The following NAV3 variants were observed in gnomAD, a reference collection of about 807,000 sequenced individuals.
NAV3 encodes the protein neuron navigator 3.
NAV3 carries 87 observed loss-of-function variants against 244.7 expected under a neutral mutation model. The observed-to-expected ratio is 0.36, with a 90% CI of 0.30 to 0.42. The LOEUF is 0.42. NAV3 is among the 20% of genes least tolerant of loss of function. The pLI is 1.00. For missense variants in NAV3, 2,663 were observed against 2,893.3 expected (o/e 0.92, Z 1.83); for synonymous variants, 1,126 against 1,042.2 (o/e 1.08, Z -1.55).
At chr12:77,753,582 C>T (rs1334355947) in intron 2 of NAV3, among the ~76,000 whole-genome samples, 2 of 152,096 alleles carry the variant, frequency 1.3e-5, no homozygotes, top group African/African-American at 4.8e-5. Flanking sequence ...CTAGTTAGGT[C>T]ATATTGAGAA....
chr12:77,927,819 C>T (rs1014674955), intron 1 of NAV3, among the ~76,000 whole-genome samples: 8 of 151,982 alleles, frequency 5.3e-5, no homozygotes, highest in Non-Finnish European at 1.0e-4. Flanking sequence ...CATTTAAGAC[C>T]GGGTAGCTGG....
chr12:78,128,667 G>T (rs191612871), intron 17 of NAV3, 39 bp from the exon 18 acceptor site: 308 of 1,592,472 alleles, frequency 1.9e-4, no homozygotes, highest in Non-Finnish European at 2.5e-4. Flanking sequence ...CCTTGCCCTT[G>T]TAGATGTGCT....
chr12:77,600,853 G>A (rs1870397547), intron 2 of NAV3, among the ~76,000 whole-genome samples: 1 of 151,766 alleles, frequency 6.6e-6, no homozygotes, highest in South Asian at 2.1e-4. Flanking sequence ...CAAATTTATG[G>A]GTATTTTTAC....
At chr12:77,895,575 C>T (rs1461846103) in intron 1 of NAV3, among the ~76,000 whole-genome samples, 2 of 151,992 alleles carry the variant, frequency 1.3e-5, no homozygotes, top group Admixed American at 6.6e-5. Context: ...CAGTAGTTCT[C>T]TAATTGGAAA....
At chr12:77,888,610 T>G (rs1260972295) in intron 1 of NAV3, among the ~76,000 whole-genome samples, 2 of 152,208 alleles carry the variant, frequency 1.3e-5, no homozygotes, top group Non-Finnish European at 2.9e-5. Context: ...CTCATTAAGT[T>G]TTGCCCTCAA....
chr12:78,051,036 G>C lies in NAV3; in HGVS notation c.2405G>C (p.Ser802Thr), dbSNP rs558608455. The change falls in exon 11 of 40, where the codon AGT becomes ACT. Residue 802 changes from serine to threonine, a missense_variant. This residue lies in a region of NAV3 where 1,521 missense variants were observed against 1,497.0 expected (regional missense o/e 1.02). Transcript: ENST00000397909. ...GGAAACATGTCACAGATTGACATGA[G>C]TGAGAAAGCAAGCAGTGACCTGGAC... Reference protein sequence around the residue: ...RLGNMSQIDMSEKASSDLDMS... With the variant: ...RLGNMSQIDMTEKASSDLDMS... 4 of 1,614,156 alleles carry C rather than the reference G, an allele frequency of 2.5e-6. No homozygotes were observed. The South Asian group carries it at 4.4e-5, about 18-fold the overall frequency.
At chr12:78,037,376 T>A (rs1419712286) in intron 9 of NAV3, 2 of 700,606 alleles carry the variant, frequency 2.9e-6, no homozygotes, top group Non-Finnish European at 2.6e-6. Context: ...CACTTTACAC[T>A]GACTTATTAG....
intron 2 of NAV3, among the ~76,000 whole-genome samples, chr12:77,711,291 A>G (rs1479196664): frequency 6.6e-6 from 1 of 152,128 alleles, no homozygotes; most frequent in Non-Finnish European, 1.5e-5. Flanking sequence ...ACATTTGTGG[A>G]TTGAAGTGGA....
chr12:77,833,221 A>G (rs1874022445), intron 1 of NAV3, among the ~76,000 whole-genome samples: 1 of 152,234 alleles, frequency 6.6e-6, no homozygotes, highest in Non-Finnish European at 1.5e-5. Flanking sequence ...TTGAAAACAT[A>G]TAGAAGGCAG....
At chr12:77,715,295 T>G (rs957227985) in intron 2 of NAV3, among the ~76,000 whole-genome samples, 1 of 151,974 alleles carries the variant, frequency 6.6e-6, no homozygotes, top group South Asian at 2.1e-4. Flanking sequence ...TACAATGGAA[T>G]CAAATCTTAA....
intron 22 of NAV3, among the ~76,000 whole-genome samples, chr12:78,151,474 G>A (rs1344791043): frequency 6.6e-6 from 1 of 151,928 alleles, no homozygotes; most frequent in Admixed American, 6.6e-5. Context: ...CTATTGATAC[G>A]TGCATCAACT....
At chr12:77,647,620 G>A (rs1278872844) in intron 2 of NAV3, among the ~76,000 whole-genome samples, 1 of 151,838 alleles carries the variant, frequency 6.6e-6, no homozygotes, top group African/African-American at 2.4e-5. Context: ...ACTGTTTAGT[G>A]CTGTTTTGAT....
chr12:77,722,928 A>G, intron 2 of NAV3, among the ~76,000 whole-genome samples: 1 of 152,048 alleles, frequency 6.6e-6, no homozygotes, highest in African/African-American at 2.4e-5. Flanking sequence ...CACAAACCTC[A>G]GTAAAGTTAG....
At chr12:77,922,157 A>T (rs752668607) in intron 1 of NAV3, among the ~76,000 whole-genome samples, 26 of 152,186 alleles carry the variant, frequency 1.7e-4, no homozygotes, top group Non-Finnish European at 3.5e-4. Flanking sequence ...TTTAGCCACC[A>T]GTTCCAATTA....
chr12:78,043,928 A>G (rs1407962034), intron 9 of NAV3, among the ~76,000 whole-genome samples: 1 of 152,088 alleles, frequency 6.6e-6, no homozygotes, highest in Non-Finnish European at 1.5e-5. Flanking sequence ...GAATTTCCTT[A>G]GTTTAATTAG....
chr12:77,837,249 T>G (rs550430843), intron 1 of NAV3, among the ~76,000 whole-genome samples: 6 of 151,338 alleles, frequency 4.0e-5, no homozygotes, highest in African/African-American at 1.5e-4. Context: ...CTTTAAACTT[T>G]AAAAGTTTAC....
intron 2 of NAV3, among the ~76,000 whole-genome samples, chr12:77,762,727 TTG>T (rs1565803585): frequency 0.011 from 20 of 1,830 alleles, no homozygotes; most frequent in Non-Finnish European, 0.035. Flanking sequence ...GGGTTTTTTG[TTG>T]TTGTTGTTGT....
Position 78,137,296 on chromosome 12 carries a change from G to A in NAV3, c.4561G>A (p.Ala1521Thr), listed in dbSNP as rs1956415473. ...LYDDSQLCGS[A>T]TSLEERPRAI... is the part of the protein sequence containing the mutation. ...TGATGACTCCCAGCTTTGTGGGAGT[G>A]CCACTTCTCTGGAGGAAAGACCTCG... The change falls in exon 19 of 40, where the codon GCC becomes ACC. Residue 1521 changes from alanine (A) to threonine (T), a missense_variant. Physicochemically the swap from Ala to Thr is moderately conservative, Grantham distance 58. Around this residue, in one of 6 missense-constraint regions of NAV3, gnomAD observed 354 missense variants for 413.0 expected, o/e 0.86. Coordinates refer to ENST00000397909, the MANE Select transcript of NAV3 (RefSeq NM_001024383.2). The A allele has an allele frequency of 1.2e-6, 2 of 1,613,542 alleles. No individual in the cohort carries two copies. Among genetic ancestry groups the A allele is most frequent in the Non-Finnish European group, 1.7e-6 (2 of 1,179,706 alleles).
chr12:78,132,425 G>T (rs868249374), intron 18 of NAV3, among the ~76,000 whole-genome samples: 1 of 152,132 alleles, frequency 6.6e-6, no homozygotes, highest in Non-Finnish European at 1.5e-5. Context: ...TCTCTCAGCT[G>T]TGTCAGACAG....
Sources: gnomAD v4.1 joint callset for allele counts (sites outside exome capture counted in the v4.1 genomes callset) on GRCh38, gnomAD v4.1.1 for gene constraint, gnomAD v4.1.1 regional missense constraint, MANE v1.5 for transcripts, NCBI Gene and HGNC (gene_info 2026-07-23, HGNC 2026-07-21) for gene names.